Variants in MEIG1 observed in about 807,000 individuals in gnomAD.
The protein encoded by MEIG1 is meiosis/spermiogenesis associated 1.
MEIG1 carries 12 observed loss-of-function variants against 11.3 expected under a neutral mutation model. The ratio of observed to expected loss-of-function variants is 1.07; its 90% confidence interval spans 0.68 to 1.73. The LOEUF (loss-of-function observed/expected upper bound fraction) is 1.73. MEIG1 is among the 40% of genes most tolerant of loss of function. MEIG1 has a pLI of 0.00. For synonymous variants in MEIG1, 41 were observed against 33.2 expected (o/e 1.24, Z -0.81); for missense variants, 119 against 104.9 (o/e 1.13, Z -0.59).
At chr10:14,963,734 G>A (rs1421705057) in intron 1 of MEIG1, among the ~76,000 whole-genome samples, 3 of 152,162 alleles carry the variant, frequency 2.0e-5, no homozygotes, top group Admixed American at 2.0e-4. Flanking sequence ...GGAGGCCGAG[G>A]TACACGATCA....
intron 1 of MEIG1, among the ~76,000 whole-genome samples, chr10:14,961,638 A>ATTTTTTTTTTTT (rs34536061): frequency 0.01 from 792 of 76,550 alleles, 85 homozygotes; most frequent in African/African-American, 0.033. Context: ...CATCCGGCTA[A>ATTTTTTTTTTTT]TTTTTTTTTT....
At chr10:14,979,487 C>T (rs780001668) in intron 1 of MEIG1, among the ~76,000 whole-genome samples, 34 of 151,968 alleles carry the variant, frequency 2.2e-4, no homozygotes, top group Middle Eastern at 3.4e-3. Flanking sequence ...TGATATTATT[C>T]GTAATATCCT....
chr10:14,959,279 C>T (rs1842982823), upstream of MEIG1, among the ~76,000 whole-genome samples: 1 of 152,246 alleles, frequency 6.6e-6, no homozygotes, highest in Non-Finnish European at 1.5e-5. Flanking sequence ...TGGGCCGGCG[C>T]CCACCCCAGC....
intron 2 of MEIG1, among the ~76,000 whole-genome samples, chr10:14,967,440 G>A (rs1319781298): frequency 1.3e-5 from 2 of 151,868 alleles, no homozygotes; most frequent in African/African-American, 4.8e-5. Context: ...CCAAAGTCTA[G>A]ATTTGGCTCC....
At chr10:14,981,905 C>T (rs1399806828) in intron 1 of MEIG1, among the ~76,000 whole-genome samples, 1 of 152,206 alleles carries the variant, frequency 6.6e-6, no homozygotes, top group Non-Finnish European at 1.5e-5. Flanking sequence ...GTCGGCGTTT[C>T]CCCGGGCCTG....
intron 1 of MEIG1, among the ~76,000 whole-genome samples, chr10:14,977,935 TGTGCCCCCA>T (rs1158016703): frequency 6.6e-6 from 1 of 151,884 alleles, no homozygotes; most frequent in Non-Finnish European, 1.5e-5. Context: ...TCACAGAGAG[TGTGCCCCCA>T]GTGACATTAT....
At chr10:14,963,180 T>C (rs1306979658) in intron 1 of MEIG1, among the ~76,000 whole-genome samples, 1 of 151,766 alleles carries the variant, frequency 6.6e-6, no homozygotes, top group Admixed American at 6.6e-5. Context: ...CACTGCAACC[T>C]CTGCCCCCCA....
chr10:14,984,757 C>A (rs1458992883), intron 1 of MEIG1, among the ~76,000 whole-genome samples: 1 of 152,092 alleles, frequency 6.6e-6, no homozygotes, highest in Non-Finnish European at 1.5e-5. Context: ...AGAGGTTGTA[C>A]ACCTTGTGAA....
chr10:14,958,301 A>G (rs1205864536), upstream of MEIG1, among the ~76,000 whole-genome samples: 2 of 152,222 alleles, frequency 1.3e-5, no homozygotes, highest in Non-Finnish European at 2.9e-5. Context: ...TTGTAAGTAA[A>G]TAGTTTTTTG....
chr10:14,981,172 T>C (rs1180194654), intron 1 of MEIG1, among the ~76,000 whole-genome samples: 17,514 of 145,740 alleles, frequency 0.12, 1,906 homozygotes, highest in African/African-American at 0.29. Context: ...ACTGGCCAAC[T>C]CTGGAGGGTT....
chr10:14,958,816 A>T (rs1842977070), upstream of MEIG1, among the ~76,000 whole-genome samples: 1 of 152,130 alleles, frequency 6.6e-6, no homozygotes, highest in Non-Finnish European at 1.5e-5. Context: ...GAATGGCGTG[A>T]ACCCGGGAGG....
chr10:14,961,533 C>T (rs930364457), intron 1 of MEIG1, among the ~76,000 whole-genome samples: 5 of 151,450 alleles, frequency 3.3e-5, no homozygotes, highest in South Asian at 2.1e-4. Context: ...TGCAGTGGTG[C>T]GATCTTGGCT....
At chr10:14,985,942 A>G (rs1049141103) in intron 1 of MEIG1, among the ~76,000 whole-genome samples, 11 of 152,092 alleles carry the variant, frequency 7.2e-5, no homozygotes, top group Non-Finnish European at 1.5e-4. Context: ...CTTAATATCC[A>G]GGGTAAATAT....
At chr10:14,980,419 G>A (rs1305156497) in intron 1 of MEIG1, among the ~76,000 whole-genome samples, 1 of 152,102 alleles carries the variant, frequency 6.6e-6, no homozygotes, top group African/African-American at 2.4e-5. Flanking sequence ...GTCACACGTG[G>A]TGTACAAACA....
At chr10:14,965,169 ATTAAT>A (rs1395647139) in intron 1 of MEIG1, among the ~76,000 whole-genome samples, 1 of 152,206 alleles carries the variant, frequency 6.6e-6, no homozygotes, top group Admixed American at 6.5e-5. Context: ...TTCATAAAAT[ATTAAT>A]TTATTTACAG....
At chr10:14,985,307 T>C (rs1843308051) in intron 1 of MEIG1, among the ~76,000 whole-genome samples, 2 of 152,032 alleles carry the variant, frequency 1.3e-5, no homozygotes, top group Admixed American at 1.3e-4. Context: ...GGGATGTTAC[T>C]ACTAATGTCA....
intron 1 of MEIG1, among the ~76,000 whole-genome samples, chr10:14,980,782 C>T (rs185561728): frequency 2.0e-4 from 31 of 152,268 alleles, no homozygotes; most frequent in African/African-American, 7.5e-4. Context: ...TGAGTAGTGA[C>T]ACCTGACTCC....
At chr10:14,976,179 G>A (rs538436631), downstream of MEIG1, among the ~76,000 whole-genome samples, 108 of 152,256 alleles carry the variant, frequency 7.1e-4, no homozygotes, top group African/African-American at 2.5e-3. Context: ...TTTCTCTACT[G>A]CCATCCTGGG....
chr10:14,987,613 G>A (rs1236849669), intron 2 of MEIG1: 8 of 527,228 alleles, frequency 1.5e-5, no homozygotes, highest in South Asian at 6.2e-5. Context: ...GAATTTTTAC[G>A]TGATTTACTT....
Sources: allele counts gnomAD v4.1 joint callset (sites outside exome capture counted in the v4.1 genomes callset), GRCh38; gene constraint gnomAD v4.1.1; transcripts MANE v1.5; gene names NCBI Gene and HGNC (gene_info 2026-07-23, HGNC 2026-07-21).